Variants in ADAM19 observed in about 807,000 individuals in gnomAD.
ADAM19 encodes disintegrin and metalloproteinase domain-containing protein 19.
A neutral mutation model predicts 114.7 loss-of-function variants in ADAM19; 65 were observed. That is an observed-to-expected ratio of 0.57 (90% confidence interval 0.46 to 0.70). The LOEUF (loss-of-function observed/expected upper bound fraction) is 0.70, where lower values mean the gene tolerates loss of function less well. Ranked by LOEUF, ADAM19 falls within the 30% of genes least tolerant of loss-of-function variation. The probability of loss-of-function intolerance (pLI) is 0.00; values close to 1 mark genes in which losing one functional copy is unlikely to be tolerated. For missense variants in ADAM19, 1,063 were observed against 1,204.7 expected, an observed-to-expected ratio of 0.88 and a Z score of 1.74; for synonymous variants, 466 against 460.5, an observed-to-expected ratio of 1.01 and a Z score of -0.15.
intron 3 of ADAM19, among the ~76,000 whole-genome samples, chr5:157,560,581 G>T (rs1417637048): frequency 1.3e-5 from 2 of 152,326 alleles, no homozygotes; most frequent in Admixed American, 1.3e-4. Context: ...ACATCCAGTT[G>T]AGTTCAAAAA....
chr5:157,478,450 T>C lies in ADAM19; in HGVS notation c.*2499A>G. On this transcript the variant is annotated 3_prime_UTR_variant, in exon 23 of 23. Transcript: ENST00000257527. ...CATCGGTCGGTCTGAGCCTTTTCACTATTCCCATAAGGCCCCTTCCTCTCC... is the reference window on the plus strand; with the variant it reads ...CATCGGTCGGTCTGAGCCTTTTCACCATTCCCATAAGGCCCCTTCCTCTCC... The C allele has an allele frequency of 3.8e-6, 2 of 533,316 alleles. No individual in the cohort carries two copies. The highest frequency in any genetic ancestry group is 4.8e-6 in the Non-Finnish European group (2 of 416,910). The allele number at this position is 533,316 out of a possible 1,614,324, so 33.0% of individuals were successfully genotyped here.
intron 10 of ADAM19, 147 bp from the exon 11 acceptor site, chr5:157,505,955 A>G: frequency 1.2e-6 from 1 of 830,372 alleles, no homozygotes; most frequent in Non-Finnish European, 1.8e-6. Context: ...TGCCTCTGAC[A>G]GCAAGGCTGA....
In ADAM19 at chr5:157,480,861, C is replaced by A; in HGVS notation, c.*88G>T. ...GAGGGTGGGAGGAGCTCAGAGGCGG[C>A]CAGACATGCTTCTTCAGGGTTCCAT... On this transcript the variant is annotated 3_prime_UTR_variant, in exon 23 of 23. Transcript: ENST00000257527. 6.3e-7 allele frequency: 1 copy of A among 1,597,432 alleles called. No homozygotes were observed. The highest frequency in any genetic ancestry group is 1.1e-5 in the South Asian group (1 of 88,638).
At position 157,575,630 on chromosome 5, in the gene ADAM19, G is replaced by A; in HGVS notation, c.67C>T (p.Arg23Trp). The change falls in exon 1 of 23, where the codon CGG becomes TGG. Residue 23 changes from arginine to tryptophan, a missense_variant. Around this residue, in one of 3 missense-constraint regions of ADAM19, gnomAD observed 615 missense variants for 706.3 expected, o/e 0.87. Transcript: ENST00000257527. ...LAFALQPLRP[R>W]AAREPGWTRG... ...GTCCATCCAGGCTCCCGCGCCGCCC[G>A]CGGCCGGAGGGGCTGCAGGGCAAAC... The A allele has an allele frequency of 6.9e-7, 1 of 1,441,744 alleles. No individual in the cohort carries two copies. Among genetic ancestry groups the A allele is most frequent in the Non-Finnish European group, 9.1e-7 (1 of 1,103,744 alleles). 89.3% of individuals were successfully genotyped at this position (1,441,744 alleles called of 1,614,324 possible).
chr5:157,539,936 G>A (rs1277370839), intron 3 of ADAM19, among the ~76,000 whole-genome samples: 1 of 152,242 alleles, frequency 6.6e-6, no homozygotes, highest in Non-Finnish European at 1.5e-5. Flanking sequence ...TAGCAGCTTA[G>A]AGCATGGTCT....
At chr5:157,568,673 T>C (rs1223274918) in intron 2 of ADAM19, 2 of 152,186 alleles carry the variant, frequency 1.3e-5, no homozygotes, top group African/African-American at 4.8e-5. Context: ...ATATTTAGTA[T>C]ACAGTATAAG....
intron 3 of ADAM19, among the ~76,000 whole-genome samples, chr5:157,554,998 T>C (rs1239347333): frequency 6.7e-6 from 1 of 150,370 alleles, no homozygotes; most frequent in African/African-American, 2.5e-5. Context: ...AGGGGGAGAG[T>C]AGAACAATGA....
chr5:157,558,084 C>T (rs1040605303), intron 3 of ADAM19, among the ~76,000 whole-genome samples: 2 of 152,236 alleles, frequency 1.3e-5, no homozygotes, highest in African/African-American at 2.4e-5. Flanking sequence ...TTAGAAACTA[C>T]ATCTCAAACA....
chr5:157,554,819 CG>C lies in ADAM19; in HGVS notation c.251+9553del, dbSNP rs376225907. On this transcript the variant is annotated intron_variant, in intron 3 of 22. Transcript: ENST00000257527. Reference sequence around the variant, plus strand: ...TCCTATGAGGTTATTATCCCCATCACGTAGATGAGAAAACTGAGACTCTCAA... The same window carrying C: ...TCCTATGAGGTTATTATCCCCATCACTAGATGAGAAAACTGAGACTCTCAA... 2.2e-3 allele frequency among the ~76,000 whole-genome samples: 339 copies of C among 152,280 alleles called. 3 individuals carry two copies. Among genetic ancestry groups the C allele is most frequent in the African/African-American group, 7.7e-3 (320 of 41,554 alleles).
Position 157,496,954 on chromosome 5 carries a change from A to G in ADAM19, c.1534T>C (p.Tyr512His). ...DGTPCEGGQA[Y>H]CYNGMCLTYQ... Reference sequence around the variant, plus strand: ...GTGAGGCACATGCCGTTGTAGCAGTAGGCCTGGCCGCCCTCACAGGGGGTA... The same window carrying G: ...GTGAGGCACATGCCGTTGTAGCAGTGGGCCTGGCCGCCCTCACAGGGGGTA... Residue 512 changes from tyrosine to histidine, a missense_variant, in exon 14 of 23, where the codon TAC becomes CAC. By Grantham distance (83) the Tyr-to-His change is moderately conservative (BLOSUM62 2). Around this residue, in one of 3 missense-constraint regions of ADAM19, gnomAD observed 615 missense variants for 706.3 expected, o/e 0.87. Coordinates refer to ENST00000257527, the MANE Select transcript of ADAM19 (RefSeq NM_033274.5). 1 of 1,599,190 alleles carries G rather than the reference A, an allele frequency of 6.3e-7. No individual in the cohort carries two copies. Among genetic ancestry groups the G allele is most frequent in the East Asian group, 2.3e-5 (1 of 43,242 alleles).
chr5:157,507,125 G>A lies in ADAM19; in HGVS notation c.921C>T (p.His307=), dbSNP rs778809422. The A allele has an allele frequency of 2.8e-5, 45 of 1,613,922 alleles. No individual in the cohort carries two copies. Among genetic ancestry groups the A allele is most frequent in the Middle Eastern group, 1.6e-4 (1 of 6,084 alleles). Residue 307 remains histidine, a synonymous_variant, in exon 10 of 23, where the codon CAC becomes CAT. Transcript: ENST00000257527. ...NAQLITGMSF[H]GTTIGLAPLM... ...GGGGGGCCAGGCCGATGGTGGTGCC[G>A]TGGAAGGACATGCCCCTGCAGGAGG...
chr5:157,488,405 G>A lies in ADAM19; in HGVS notation c.2410C>T (p.Pro804Ser), dbSNP rs757372648. ...CTCAGGTGAGCTGGCAGTGGTGCAGGTGGGGACCCACCACGCAGATAATCT... is the reference window on the plus strand; with the variant it reads ...CTCAGGTGAGCTGGCAGTGGTGCAGATGGGGACCCACCACGCAGATAATCT... The part of the protein sequence containing the change: ...PPDYLRGGSP[P>S]APLPAHLSRA... The change falls in exon 21 of 23, where the codon CCT (proline) becomes TCT (serine). Residue 804 changes from proline to serine, a missense_variant. Pro to Ser is a moderately conservative substitution (Grantham distance 74). Coordinates refer to ENST00000257527, the MANE Select transcript of ADAM19 (RefSeq NM_033274.5). 1 of 1,614,060 alleles carries A rather than the reference G, an allele frequency of 6.2e-7. No individual in the cohort carries two copies. The highest frequency in any genetic ancestry group is 1.7e-5 in the Admixed American group (1 of 60,010).
At chr5:157,484,560 A>G (rs1425110652) in intron 21 of ADAM19, among the ~76,000 whole-genome samples, 1 of 152,186 alleles carries the variant, frequency 6.6e-6, no homozygotes, top group Admixed American at 6.5e-5. Context: ...ATTAAAGTGG[A>G]CAAAAGGCAA....
intron 12 of ADAM19, among the ~76,000 whole-genome samples, chr5:157,502,271 C>T (rs1755588874): frequency 6.6e-6 from 1 of 152,234 alleles, no homozygotes; most frequent in Non-Finnish European, 1.5e-5. Context: ...ACCCTCCACA[C>T]TCACTGTGAA....
chr5:157,563,601 A>G lies in ADAM19; in HGVS notation c.251+772T>C, dbSNP rs556451560. ...GCCTTATCTGCGACGTCTGTGTGGC[A>G]GAACGAAAAGTGGGACGGTCAGTGG... On this transcript the variant is annotated intron_variant, in intron 3 of 22. Coordinates refer to ENST00000257527, the MANE Select transcript of ADAM19 (RefSeq NM_033274.5). 1.5e-4 allele frequency among the ~76,000 whole-genome samples: 23 copies of G among 152,312 alleles called. No homozygotes were observed. The South Asian group carries it at 2.3e-3, about 15-fold the overall frequency.
intron 5 of ADAM19, among the ~76,000 whole-genome samples, chr5:157,521,270 G>C (rs1006390614): frequency 1.3e-5 from 2 of 152,190 alleles, no homozygotes; most frequent in African/African-American, 4.8e-5. Context: ...GATTGTAAAG[G>C]TATGTAATCA....
intron 18 of ADAM19, among the ~76,000 whole-genome samples, 193 bp from the exon 19 acceptor site, chr5:157,490,647 A>G (rs1189992273): frequency 2.6e-5 from 4 of 152,166 alleles, no homozygotes; most frequent in African/African-American, 9.7e-5. Context: ...TAATCCCAGC[A>G]CTTTGGGAGG....
At chr5:157,543,789 C>T (rs184708170) in intron 3 of ADAM19, among the ~76,000 whole-genome samples, 89 of 152,096 alleles carry the variant, frequency 5.9e-4, no homozygotes, top group African/African-American at 2.1e-3. Context: ...TTCTATCAAG[C>T]AGAAATGGCA....
In ADAM19 at chr5:157,491,512, C is replaced by A. The variant is rs999863709; in HGVS notation, c.2095+103G>T. On this transcript the variant is annotated intron_variant, in intron 18 of 22. Transcript: ENST00000257527. ...TGATTTCCTCTCTACAAAATCAGGA[C>A]AATGAAGCTGATTCAATGTGGATGC... 3 of 818,188 alleles carry A rather than the reference C, an allele frequency of 3.7e-6. No homozygotes were observed. The African/African-American group carries it at 5.2e-5, about 14-fold the overall frequency. 50.7% of individuals were successfully genotyped at this position (818,188 alleles called of 1,614,324 possible). A position where few individuals can be genotyped will look rare whatever the true frequency, so the allele number is the denominator to read the frequency against.
Sources: gnomAD v4.1 joint callset for allele counts (sites outside exome capture counted in the v4.1 genomes callset) on GRCh38, gnomAD v4.1.1 for gene constraint, gnomAD v4.1.1 regional missense constraint, MANE v1.5 for transcripts, NCBI Gene and HGNC (gene_info 2026-07-23, HGNC 2026-07-21) for gene names.